Variants in SASH1 observed in about 807,000 individuals in gnomAD.
SASH1 encodes SAM and SH3 domain containing 1, also known as SAM and SH3 domain-containing protein 1.
A neutral mutation model predicts 125.2 loss-of-function variants in SASH1; 44 were observed. The observed-to-expected ratio is 0.35, with a 90% CI of 0.28 to 0.45. The LOEUF (loss-of-function observed/expected upper bound fraction) is 0.45, where lower values mean the gene tolerates loss of function less well. Ranked by LOEUF, SASH1 falls within the 20% of genes least tolerant of loss-of-function variation. SASH1 has a pLI of 1.00. For missense variants in SASH1, 1,426 were observed against 1,614.5 expected (o/e 0.88, Z 2.00); for synonymous variants, 639 against 649.1 (o/e 0.98, Z 0.24).
intron 1 of SASH1, among the ~76,000 whole-genome samples, chr6:148,363,918 G>A (rs1782347866): frequency 6.6e-6 from 1 of 151,912 alleles, no homozygotes; most frequent in African/African-American, 2.4e-5. Context: ...ATTCTATAAT[G>A]GACATTTTAA....
chr6:148,403,608 G>A lies in SASH1; in HGVS notation c.285+13346G>A, dbSNP rs201417826. Among the ~76,000 whole-genome samples, 16 of 152,206 alleles carry A rather than the reference G, an allele frequency of 1.1e-4. No individual in the cohort carries two copies. In the East Asian group the frequency reaches 2.5e-3, roughly 24 times the overall value. On this transcript the variant is annotated intron_variant, in intron 2 of 19. Coordinates refer to ENST00000367467, the MANE Select transcript of SASH1 (RefSeq NM_015278.5). ...TGCAATGGCTCAATCTTGGCTCACC[G>A]CAACCTCTTCCTCCTGGGTGCAAGT...
At chr6:148,420,124 T>G (rs1784994525) in intron 2 of SASH1, among the ~76,000 whole-genome samples, 1 of 152,204 alleles carries the variant, frequency 6.6e-6, no homozygotes, top group South Asian at 2.1e-4. Flanking sequence ...AAGTTTGTTA[T>G]ATATGATTTT....
At chr6:148,499,057 GTT>G (rs4052628) in intron 8 of SASH1, among the ~76,000 whole-genome samples, 5 of 127,082 alleles carry the variant, frequency 3.9e-5, no homozygotes, top group Non-Finnish European at 5.1e-5. Flanking sequence ...TCTTTTTTTT[GTT>G]TTTTTTTTTT....
At chr6:148,419,594 C>T (rs556168395) in intron 2 of SASH1, among the ~76,000 whole-genome samples, 36 of 152,214 alleles carry the variant, frequency 2.4e-4, no homozygotes, top group Admixed American at 2.6e-4. Context: ...TGTCCTGTTT[C>T]TCAGCCACAT....
chr6:148,310,270 C>T lies in SASH1; in HGVS notation n.74+37893C>T, dbSNP rs181525955. ...CCAGGAGACGGAGGTTGCAGTAAGC[C>T]AAGATTGCGACACTGCACTCCAGCT... is the stretch of plus-strand genomic sequence containing the variant. On this transcript the variant is annotated intron_variant and non_coding_transcript_variant, in intron 1 of 3. Coordinates refer to the SASH1 transcript ENST00000367469. Among the ~76,000 whole-genome samples the T allele has an allele frequency of 2.9e-3, 448 of 152,048 alleles. 5 individuals are homozygous for T. The highest frequency in any genetic ancestry group is 0.011 in the African/African-American group (437 of 41,480).
intron 7 of SASH1, among the ~76,000 whole-genome samples, chr6:148,476,552 C>T (rs778056708): frequency 6.6e-6 from 1 of 152,012 alleles, no homozygotes; most frequent in Non-Finnish European, 1.5e-5. Flanking sequence ...CGTGGTGGCA[C>T]GTGTCTGTAG....
In SASH1 at chr6:148,489,229, C is replaced by T. The variant is rs541734958; in HGVS notation, c.729+1514C>T. Among the ~76,000 whole-genome samples, 21 of 152,184 alleles carry T rather than the reference C, an allele frequency of 1.4e-4. No individual in the cohort carries two copies. In the South Asian group the frequency reaches 4.4e-3, roughly 32 times the overall value. On this transcript the variant is annotated intron_variant, in intron 8 of 19. Coordinates refer to ENST00000367467, the MANE Select transcript of SASH1 (RefSeq NM_015278.5). ...AGAACCATTTGTTGAAAAGACTGTC[C>T]TTTCCTCATTTTATGGTCATGGCAT...
chr6:148,530,835 AG>A (rs539919161), intron 12 of SASH1, among the ~76,000 whole-genome samples: 56 of 152,234 alleles, frequency 3.7e-4, no homozygotes, highest in Non-Finnish European at 7.5e-4. Flanking sequence ...CTCAAAATGC[AG>A]GAAGTACTGC....
chr6:148,307,396 A>G (rs1780175152), intron 1 of SASH1, among the ~76,000 whole-genome samples: 1 of 152,002 alleles, frequency 6.6e-6, no homozygotes, highest in Non-Finnish European at 1.5e-5. Flanking sequence ...AATTACAGAC[A>G]TGAGCCACCG....
chr6:148,457,210 A>C (rs1394553307), intron 4 of SASH1, among the ~76,000 whole-genome samples: 1 of 97,978 alleles, frequency 1.0e-5, no homozygotes, highest in African/African-American at 4.1e-5. Context: ...CTTAATTTTT[A>C]TGCCTACTGA....
the SASH1 span, among the ~76,000 whole-genome samples, chr6:148,264,686 C>A: frequency 6.6e-6 from 1 of 152,194 alleles, no homozygotes; most frequent in Non-Finnish European, 1.5e-5. Flanking sequence ...AGGGACTTTT[C>A]ATTTATGAAC....
intron 1 of SASH1, among the ~76,000 whole-genome samples, chr6:148,280,077 C>A (rs1301756882): frequency 3.4e-5 from 4 of 118,244 alleles, no homozygotes; most frequent in African/African-American, 6.4e-5. Flanking sequence ...ATCATTCCCC[C>A]CCGACATAAC....
the SASH1 span, among the ~76,000 whole-genome samples, chr6:148,251,677 C>CT: frequency 0.083 from 12,557 of 151,038 alleles, 584 homozygotes; most frequent in Non-Finnish European, 0.11. Context: ...CACATATTTT[C>CT]TTTTTTTTTT....
At position 148,389,276 on chromosome 6, in the gene SASH1, G is replaced by GAGGTTGAGA. The variant is rs1783603978; in HGVS notation, c.157-857_157-849dup. Among the ~76,000 whole-genome samples the GAGGTTGAGA allele has an allele frequency of 3.3e-5, 5 of 152,322 alleles. No individual in the cohort carries two copies. The South Asian group carries it at 1.0e-3, about 32-fold the overall frequency. ...TGTTGTGATTATTCAGTGTTCCTCA[G>GAGGTTGAGA]AGGTTGAGACGTGCCTAAGGCCACT... On this transcript the variant is annotated intron_variant, in intron 1 of 19. Transcript: ENST00000367467.
At chr6:148,254,246 T>C in the SASH1 span, among the ~76,000 whole-genome samples, 3 of 151,942 alleles carry the variant, frequency 2.0e-5, no homozygotes, top group Admixed American at 6.6e-5. Context: ...TATAACGCAT[T>C]AGATGCAACA....
chr6:148,343,275 C>T (rs746974200), intron 1 of SASH1, 52 bp downstream of exon 1: 12 of 1,517,904 alleles, frequency 7.9e-6, no homozygotes, highest in Admixed American at 5.4e-5. Context: ...GCAGCAGCCC[C>T]TCTGAAACCG....
chr6:148,352,428 C>A (rs545838247), intron 1 of SASH1, among the ~76,000 whole-genome samples: 1 of 152,068 alleles, frequency 6.6e-6, no homozygotes, highest in South Asian at 2.1e-4. Flanking sequence ...GAAACCCCAT[C>A]TCTACCAAAA....
intron 2 of SASH1, among the ~76,000 whole-genome samples, chr6:148,431,220 A>G (rs1776045953): frequency 6.7e-6 from 1 of 149,828 alleles, no homozygotes; most frequent in Admixed American, 6.6e-5. Flanking sequence ...TTTTTTTTTG[A>G]GACGGAGTCA....
chr6:148,428,005 A>G (rs2114967189), intron 2 of SASH1, among the ~76,000 whole-genome samples: 1 of 152,336 alleles, frequency 6.6e-6, no homozygotes, highest in Middle Eastern at 3.4e-3. Flanking sequence ...TCTCTGCCAG[A>G]AGCCAGAGGA....
Sources: gnomAD v4.1 joint callset for allele counts (sites outside exome capture counted in the v4.1 genomes callset) on GRCh38, gnomAD v4.1.1 for gene constraint, MANE v1.5 for transcripts, NCBI Gene and HGNC (gene_info 2026-07-23, HGNC 2026-07-21) for gene names.